The following CNGA3 variants were observed in gnomAD, a reference collection of about 807,000 sequenced individuals.
CNGA3 encodes cyclic nucleotide gated channel subunit alpha 3.
A neutral mutation model predicts 46.6 loss-of-function variants in CNGA3; 42 were observed. The observed-to-expected ratio is 0.90, with a 90% CI of 0.70 to 1.17. The LOEUF (loss-of-function observed/expected upper bound fraction) is 1.17, where lower values mean the gene tolerates loss of function less well. Ranked by LOEUF, CNGA3 falls within the 50% of genes most tolerant of loss-of-function variation. The pLI, the probability that CNGA3 is intolerant of heterozygous loss-of-function variation, is 0.00. For synonymous variants in CNGA3, 394 were observed against 369.4 expected, an observed-to-expected ratio of 1.07 and a Z score of -0.76; for missense variants, 893 against 890.7, an observed-to-expected ratio of 1.00 and a Z score of -0.03.
At chr2:98,389,883 C>A in intron 6 of CNGA3, 109 bp downstream of exon 6, 2 of 756,860 alleles carry the variant, frequency 2.6e-6, no homozygotes, top group South Asian at 1.6e-5. Context: ...GGACCCCTCA[C>A]GGCCACCACT....
chr2:98,381,568 G>A (rs187003909), intron 4 of CNGA3, among the ~76,000 whole-genome samples: 4 of 152,304 alleles, frequency 2.6e-5, no homozygotes, highest in East Asian at 3.9e-4. Flanking sequence ...AGGGGATGGC[G>A]AACGGCACGG....
At chr2:98,379,073 G>C (rs1046094404) in intron 3 of CNGA3, among the ~76,000 whole-genome samples, 2 of 152,228 alleles carry the variant, frequency 1.3e-5, no homozygotes, top group Non-Finnish European at 2.9e-5. Flanking sequence ...GGCTGGAGGA[G>C]GGAGTATGAC....
intron 2 of CNGA3, among the ~76,000 whole-genome samples, chr2:98,373,385 C>T (rs917621353): frequency 1.3e-5 from 2 of 152,140 alleles, no homozygotes; most frequent in Non-Finnish European, 2.9e-5. Context: ...TTGGGGTACA[C>T]GAACGTTAAT....
rs1261714176 is a variant in CNGA3 at position 98,396,680 on chromosome 2, A to G, written c.1510A>G (p.Ser504Gly). The G allele has an allele frequency of 3.1e-6, 5 of 1,614,060 alleles. No homozygotes were observed. Among genetic ancestry groups the G allele is most frequent in the Non-Finnish European group, 3.4e-6 (4 of 1,180,044 alleles). ...LVLKLRPTVF[S>G]PGDYICKKGD... is the part of the protein sequence containing the mutation. Reference sequence around the variant, plus strand: ...GCTGAAGCTGCGACCCACTGTGTTCAGCCCTGGGGATTATATCTGCAAGAA... The same window carrying G: ...GCTGAAGCTGCGACCCACTGTGTTCGGCCCTGGGGATTATATCTGCAAGAA... Residue 504 changes from serine (S) to glycine (G), a missense_variant, in exon 8 of 8, where the codon AGC becomes GGC. Ser to Gly is a moderately conservative substitution (Grantham distance 56). Coordinates refer to ENST00000272602, the MANE Select transcript of CNGA3 (RefSeq NM_001298.3).
chr2:98,361,184 C>T (rs1289159857), intron 1 of CNGA3, among the ~76,000 whole-genome samples: 1 of 152,058 alleles, frequency 6.6e-6, no homozygotes, highest in Non-Finnish European at 1.5e-5. Flanking sequence ...CCCTCCCTGC[C>T]ACCCCTGGAG....
At chr2:98,375,851 C>T (rs1283217792) in intron 2 of CNGA3, among the ~76,000 whole-genome samples, 2 of 152,046 alleles carry the variant, frequency 1.3e-5, no homozygotes, top group Admixed American at 1.3e-4. Context: ...GGAATCTCGG[C>T]TGTACCACCT....
At chr2:98,378,160 T>C in intron 3 of CNGA3, 1 of 1,550,656 alleles carries the variant, frequency 6.4e-7, no homozygotes, top group Non-Finnish European at 8.7e-7. Context: ...CTGAGGATGG[T>C]GGTGATGAGT....
intron 2 of CNGA3, 51 bp downstream of exon 2, chr2:98,370,127 T>A: frequency 7.1e-7 from 1 of 1,401,124 alleles, no homozygotes; most frequent in Non-Finnish European, 1.0e-6. Flanking sequence ...TCTGGTCATT[T>A]CCACAGCTGA....
At chr2:98,353,129 A>G (rs1177709449) in intron 1 of CNGA3, among the ~76,000 whole-genome samples, 3 of 152,138 alleles carry the variant, frequency 2.0e-5, no homozygotes, top group Non-Finnish European at 4.4e-5. Flanking sequence ...GGGTTTTTCC[A>G]TTTGTCACAT....
rs575924501 is a variant in CNGA3, at chr2:98,367,915, C to A, written c.-37-2024C>A. Among the ~76,000 whole-genome samples, 78 of 152,308 alleles carry A rather than the reference C, an allele frequency of 5.1e-4. 1 individual carries two copies. The highest frequency in any genetic ancestry group is 1.0e-3 in the South Asian group (5 of 4,828). On this transcript the variant is annotated intron_variant, in intron 1 of 7. Transcript: ENST00000272602. Reference sequence around the variant, plus strand: ...TGGCCTGTACACACCTGACCACATTCCTACTGGGCTTTAGGGTAAGGCCCA... The same window carrying A: ...TGGCCTGTACACACCTGACCACATTACTACTGGGCTTTAGGGTAAGGCCCA...
At chr2:98,382,169 G>C (rs11884444) in intron 4 of CNGA3, among the ~76,000 whole-genome samples, 3,554 of 152,302 alleles carry the variant, frequency 0.023, 137 homozygotes, top group African/African-American at 0.082. Flanking sequence ...TGCGGATAGT[G>C]TTGGTCAATC....
chr2:98,373,237 A>T (rs3769754), intron 2 of CNGA3, among the ~76,000 whole-genome samples: 2 of 151,966 alleles, frequency 1.3e-5, no homozygotes, highest in Admixed American at 6.6e-5. Context: ...CAAAGGACTC[A>T]GGCACATACC....
At chr2:98,366,871 C>G (rs752262988) in intron 1 of CNGA3, among the ~76,000 whole-genome samples, 7 of 152,222 alleles carry the variant, frequency 4.6e-5, no homozygotes, top group African/African-American at 1.7e-4. Context: ...AGACCCAAGG[C>G]CCTGGTGGTG....
intron 6 of CNGA3, among the ~76,000 whole-genome samples, chr2:98,390,917 T>C (rs1016421554): frequency 2.6e-5 from 4 of 152,108 alleles, no homozygotes; most frequent in South Asian, 2.1e-4. Context: ...CTGGGATGCA[T>C]GCGAGAGGAG....
At chr2:98,378,167 G>A in intron 3 of CNGA3, 2 of 1,550,684 alleles carry the variant, frequency 1.3e-6, no homozygotes, top group South Asian at 1.2e-5. Flanking sequence ...TGGTGGTGAT[G>A]AGTCTGAAAT....
intron 1 of CNGA3, among the ~76,000 whole-genome samples, chr2:98,349,138 G>A (rs932776857): frequency 5.3e-5 from 8 of 152,130 alleles, no homozygotes; most frequent in Admixed American, 4.6e-4. Flanking sequence ...GGGGAGTCCT[G>A]CATCATGGGG....
At chr2:98,357,247 G>A (rs1459059484) in intron 1 of CNGA3, among the ~76,000 whole-genome samples, 1 of 152,192 alleles carries the variant, frequency 6.6e-6, no homozygotes, top group African/African-American at 2.4e-5. Context: ...TCAGGCGTCC[G>A]GGCCAATGAC....
At position 98,396,479 on chromosome 2, in the gene CNGA3, G is replaced by C. The variant is rs1692917739; in HGVS notation, c.1309G>C (p.Val437Leu). Residue 437 changes from valine (V) to leucine (L), a missense_variant, in exon 8 of 8, where the codon GTT (valine) becomes CTT (leucine). Physicochemically the swap from Val to Leu is conservative, Grantham distance 32. Coordinates refer to ENST00000272602, the MANE Select transcript of CNGA3 (RefSeq NM_001298.3). ...RKVTKDLETR[V>L]IRWFDYLWAN... is the part of the protein sequence containing the mutation. ...GGTCACCAAGGACTTGGAGACGCGG[G>C]TTATCCGGTGGTTTGACTACCTGTG... 1 of 1,613,882 alleles carries C rather than the reference G, an allele frequency of 6.2e-7. No homozygotes were observed.
chr2:98,363,738 C>G (rs985859217), intron 1 of CNGA3, among the ~76,000 whole-genome samples: 1 of 152,088 alleles, frequency 6.6e-6, no homozygotes, highest in Non-Finnish European at 1.5e-5. Flanking sequence ...TTCCTATGTA[C>G]ATTCCTAGTA....
Sources: allele counts gnomAD v4.1 joint callset (sites outside exome capture counted in the v4.1 genomes callset), GRCh38; gene constraint gnomAD v4.1.1; transcripts MANE v1.5; gene names NCBI Gene and HGNC (gene_info 2026-07-23, HGNC 2026-07-21).